Variants in DUSP16 observed in about 807,000 individuals in gnomAD.
DUSP16 encodes the protein dual specificity phosphatase 16.
A neutral mutation model predicts 58.3 loss-of-function variants in DUSP16; 21 were observed. The ratio of observed to expected loss-of-function variants is 0.36; its 90% CI spans 0.26 to 0.52. The LOEUF (loss-of-function observed/expected upper bound fraction) is 0.52. Among genes scored for constraint, DUSP16 ranks in the 20% least tolerant of loss-of-function variants. The pLI, the probability that DUSP16 is intolerant of heterozygous loss-of-function variation, is 0.94. For synonymous variants in DUSP16, 320 were observed against 323.8 expected (o/e 0.99, Z 0.12); for missense variants, 726 against 819.0 (o/e 0.89, Z 1.39).
At chr12:12,502,015 C>A (rs964643989) in intron 3 of DUSP16, among the ~76,000 whole-genome samples, 1 of 151,312 alleles carries the variant, frequency 6.6e-6, no homozygotes, top group Non-Finnish European at 1.5e-5. Context: ...AATAAAAAAA[C>A]AACAAATAAC....
intron 1 of DUSP16, among the ~76,000 whole-genome samples, chr12:12,523,896 C>A (rs1159821976): frequency 2.0e-5 from 3 of 152,070 alleles, no homozygotes; most frequent in Non-Finnish European, 4.4e-5. Context: ...CATGAGGGTA[C>A]CCAGGTGGCA....
At chr12:12,510,471 G>GT (rs1285287983) in intron 3 of DUSP16, among the ~76,000 whole-genome samples, 1 of 152,176 alleles carries the variant, frequency 6.6e-6, no homozygotes, top group Non-Finnish European at 1.5e-5. Flanking sequence ...GACCACTTCT[G>GT]TATATTCCAC....
Position 12,521,337 on chromosome 12 carries a change from A to T in DUSP16, c.-239T>A. On this transcript the variant is annotated 5_prime_UTR_variant, in exon 2 of 7. It removes an upstream start codon present in the reference 5' UTR. Transcript: ENST00000298573. ...CTCCGTCCACAAAGCAGCCCCTCAC[A>T]TTTGATTCATAAAGAGATGACTGGA... 7.2e-7 allele frequency: 1 copy of T among 1,390,426 alleles called. No individual in the cohort carries two copies. The highest frequency in any genetic ancestry group is 2.7e-5 in the East Asian group (1 of 36,434). The allele number at this position is 1,390,426 out of a possible 1,614,324, so 86.1% of individuals were successfully genotyped here.
intron 1 of DUSP16, among the ~76,000 whole-genome samples, chr12:12,523,606 G>A (rs1004824428): frequency 2.0e-5 from 3 of 152,124 alleles, no homozygotes; most frequent in Non-Finnish European, 4.4e-5. Context: ...ATAGCTTTAT[G>A]GTAATGAAGT....
At chr12:12,480,776 G>GT (rs1183238255) in intron 5 of DUSP16, among the ~76,000 whole-genome samples, 1 of 152,172 alleles carries the variant, frequency 6.6e-6, no homozygotes, top group African/African-American at 2.4e-5. Context: ...CCAGGCTGGA[G>GT]TGCACGATGT....
chr12:12,555,371 G>A (rs141172761), intron 1 of DUSP16, among the ~76,000 whole-genome samples: 197 of 152,214 alleles, frequency 1.3e-3, no homozygotes, highest in Non-Finnish European at 2.5e-3. Context: ...GAGATATAAT[G>A]GAACGGCTAT....
intron 1 of DUSP16, among the ~76,000 whole-genome samples, chr12:12,549,611 G>C (rs1285893497): frequency 6.6e-6 from 1 of 152,050 alleles, no homozygotes; most frequent in Non-Finnish European, 1.5e-5. Context: ...CCACCTGGAT[G>C]AAACAAATGA....
chr12:12,537,982 CT>C (rs1944494505), intron 1 of DUSP16, among the ~76,000 whole-genome samples: 1 of 152,140 alleles, frequency 6.6e-6, no homozygotes, highest in Admixed American at 6.5e-5. Context: ...CAATTTCCCA[CT>C]TTTGCCTGAT....
At chr12:12,557,965 G>T (rs752415526) in intron 1 of DUSP16, among the ~76,000 whole-genome samples, 11 of 152,066 alleles carry the variant, frequency 7.2e-5, no homozygotes, top group Non-Finnish European at 1.3e-4. Context: ...TTAAGGCCAG[G>T]GTCAAATTCT....
At chr12:12,551,271 G>A (rs1407296714) in intron 1 of DUSP16, among the ~76,000 whole-genome samples, 1 of 151,814 alleles carries the variant, frequency 6.6e-6, no homozygotes, top group African/African-American at 2.4e-5. Flanking sequence ...GGAAGCCTAG[G>A]CAGGCAGATC....
chr12:12,556,119 A>G (rs1944802186), intron 1 of DUSP16, among the ~76,000 whole-genome samples: 1 of 152,238 alleles, frequency 6.6e-6, no homozygotes, highest in South Asian at 2.1e-4. Context: ...CCTACCTTGT[A>G]TTAAAATTGT....
chr12:12,478,135 T>G, intron 6 of DUSP16, 120 bp from the exon 7 acceptor site: 1 of 949,818 alleles, frequency 1.1e-6, no homozygotes, highest in Non-Finnish European at 1.6e-6. Context: ...TGGAAGATGA[T>G]TGGTTTACAA....
At position 12,477,409 on chromosome 12, in the gene DUSP16, G is replaced by C; in HGVS notation, c.1422C>G (p.Ala474=). Residue 474 remains alanine, a synonymous_variant, in exon 7 of 7, where the codon GCC becomes GCG. Coordinates refer to ENST00000298573, the MANE Select transcript of DUSP16 (RefSeq NM_030640.3). The surrounding 1 kb of genome is among the most constrained non-coding windows in gnomAD (Gnocchi z 4.1). ...GCTTGCTCTGGCTGTCTGAAGGCCT[G>C]GCGGTCTGCAGCTTCTTGGGGATGC... ...EASIPKKLQT[A]RPSDSQSKRL... is the part of the protein sequence containing the mutation. 1 of 1,611,140 alleles carries C rather than the reference G, an allele frequency of 6.2e-7. No individual in the cohort carries two copies.
intron 1 of DUSP16, among the ~76,000 whole-genome samples, chr12:12,551,897 T>C (rs1012387040): frequency 3.3e-5 from 5 of 152,218 alleles, no homozygotes; most frequent in African/African-American, 1.2e-4. Context: ...TTTCACCATG[T>C]TGGCCAGGCT....
intron 1 of DUSP16, among the ~76,000 whole-genome samples, chr12:12,541,916 GAATA>G (rs1245053827): frequency 6.8e-6 from 1 of 148,072 alleles, no homozygotes; most frequent in Non-Finnish European, 1.5e-5. Flanking sequence ...ATCAACTGAT[GAATA>G]GATAAACAAA....
chr12:12,521,066 A>G lies in DUSP16; in HGVS notation c.33T>C (p.Val11=), dbSNP rs546181616. 9.9e-6 allele frequency: 16 copies of G among 1,614,160 alleles called. No individual in the cohort carries two copies. The highest frequency in any genetic ancestry group is 1.4e-5 in the Non-Finnish European group (16 of 1,180,028). Reference sequence around the variant, plus strand: ...CCAGCAGAGCCACCAACCTCTCAGTAACAATTTGAGTTCCAATCATCTCAT... The same window carrying G: ...CCAGCAGAGCCACCAACCTCTCAGTGACAATTTGAGTTCCAATCATCTCAT... The part of the protein sequence containing the change: MAHEMIGTQI[V]TERLVALLES... The change falls in exon 2 of 7, where the codon GTT becomes GTC. Residue 11 remains valine (V), a synonymous_variant. Transcript: ENST00000298573.
At chr12:12,551,905 G>A (rs1944734322) in intron 1 of DUSP16, among the ~76,000 whole-genome samples, 1 of 152,008 alleles carries the variant, frequency 6.6e-6, no homozygotes, top group African/African-American at 2.4e-5. Flanking sequence ...TGTTGGCCAG[G>A]CTGGTCTTGA....
Position 12,544,524 on chromosome 12 carries a change from A to T in DUSP16, c.-366+17593T>A, listed in dbSNP as rs150548160. ...ACGCATAAGTATGTAACACTTTAGT[A>T]TAATAGATACAACCAGTTTTCCACA... On this transcript the variant is annotated intron_variant, in intron 1 of 6. Transcript: ENST00000298573. Among the ~76,000 whole-genome samples, 680 of 152,338 alleles carry T rather than the reference A, an allele frequency of 4.5e-3. 1 individual carries two copies. The highest frequency in any genetic ancestry group is 7.8e-3 in the Non-Finnish European group (528 of 68,032).
At chr12:12,510,081 T>G (rs192623382) in intron 3 of DUSP16, among the ~76,000 whole-genome samples, 26 of 152,334 alleles carry the variant, frequency 1.7e-4, no homozygotes, top group African/African-American at 6.0e-4. Flanking sequence ...AAATTTTTTC[T>G]GATGCCCCTA....
Sources: gnomAD v4.1 joint callset for allele counts (sites outside exome capture counted in the v4.1 genomes callset) on GRCh38, gnomAD v4.1.1 for gene constraint, Gnocchi (gnomAD v3.1) non-coding constraint, MANE v1.5 for transcripts, NCBI Gene and HGNC (gene_info 2026-07-23, HGNC 2026-07-21) for gene names.